The following PKP4 variants were observed in gnomAD, a reference collection of about 807,000 sequenced individuals.
The protein encoded by PKP4 is plakophilin 4, also known as plakophilin-4.
In PKP4, 90 loss-of-function variants were observed where a neutral mutation model predicts 145.1. The observed-to-expected ratio is 0.62, with a 90% CI of 0.52 to 0.74. The LOEUF is 0.74. PKP4 is among the 30% of genes least tolerant of loss of function. The pLI is 0.00. For missense variants in PKP4, 1,340 were observed against 1,482.7 expected, an observed-to-expected ratio of 0.90 and a Z score of 1.58; for synonymous variants, 563 against 577.2, an observed-to-expected ratio of 0.98 and a Z score of 0.35.
At chr2:158,557,266 A>G (rs997235588) in intron 2 of PKP4, among the ~76,000 whole-genome samples, 3 of 151,664 alleles carry the variant, frequency 2.0e-5, no homozygotes, top group Non-Finnish European at 1.5e-5. Context: ...AGCCAGTAAT[A>G]CTATTATCAT....
chr2:158,544,426 A>G (rs2044793431), intron 2 of PKP4, among the ~76,000 whole-genome samples: 1 of 152,208 alleles, frequency 6.6e-6, no homozygotes, highest in South Asian at 2.1e-4. Context: ...TTATGCACTA[A>G]GAAATAAGAA....
At chr2:158,558,998 G>T (rs1364078775) in intron 2 of PKP4, among the ~76,000 whole-genome samples, 1 of 152,138 alleles carries the variant, frequency 6.6e-6, no homozygotes, top group East Asian at 1.9e-4. Context: ...TCAGAGAAAA[G>T]TCTCACCTGG....
At chr2:158,546,614 C>G (rs906008281) in intron 2 of PKP4, among the ~76,000 whole-genome samples, 2 of 152,160 alleles carry the variant, frequency 1.3e-5, no homozygotes, top group African/African-American at 4.8e-5. Context: ...AAACTAATTT[C>G]ACTTTTGAGA....
At chr2:158,458,605 A>T (rs1459805370) in intron 1 of PKP4, among the ~76,000 whole-genome samples, 1 of 152,214 alleles carries the variant, frequency 6.6e-6, no homozygotes, top group Non-Finnish European at 1.5e-5. Context: ...CAGCCAACAT[A>T]TTTTAGCTCT....
intron 3 of PKP4, among the ~76,000 whole-genome samples, chr2:158,580,396 G>A (rs1257098822): frequency 1.3e-5 from 2 of 152,036 alleles, no homozygotes; most frequent in Non-Finnish European, 2.9e-5. Context: ...GGTTGACCAG[G>A]GAAAGGAGGA....
chr2:158,545,339 A>G (rs2044915207), intron 2 of PKP4, among the ~76,000 whole-genome samples: 1 of 152,136 alleles, frequency 6.6e-6, no homozygotes, highest in Non-Finnish European at 1.5e-5. Context: ...TTGTTTGGAA[A>G]TAAGGACGAG....
At chr2:158,516,003 C>T (rs2041908013) in intron 1 of PKP4, among the ~76,000 whole-genome samples, 1 of 150,406 alleles carries the variant, frequency 6.6e-6, no homozygotes, top group Admixed American at 6.6e-5. Context: ...TATGATTGTG[C>T]CACTGTACTC....
intron 13 of PKP4, chr2:158,662,665 G>A (rs1240268825): frequency 1.4e-5 from 5 of 364,038 alleles, no homozygotes; most frequent in South Asian, 8.4e-5. Context: ...CATTTCGGTC[G>A]GCATGAAGTC....
At chr2:158,474,609 T>A (rs2105414052) in intron 1 of PKP4, among the ~76,000 whole-genome samples, 1 of 152,348 alleles carries the variant, frequency 6.6e-6, no homozygotes, top group Admixed American at 6.5e-5. Flanking sequence ...TTACTGCCTG[T>A]TTCCCATTTG....
Position 158,658,034 on chromosome 2 carries a change from A to G in PKP4, c.1910-97A>G. ...ATATAGGCCATAGATTAGGTTTGGA[A>G]CAGACTGACTTCATATTAATTAGAG... On this transcript the variant is annotated intron_variant, in intron 11 of 21. Coordinates refer to ENST00000389759, the MANE Select transcript of PKP4 (RefSeq NM_003628.6). 7 of 752,820 alleles carry G rather than the reference A, an allele frequency of 9.3e-6. No homozygotes were observed. In the South Asian group the frequency reaches 1.0e-4, roughly 11 times the overall value. 46.6% of individuals were successfully genotyped at this position (752,820 alleles called of 1,614,324 possible).
At chr2:158,559,361 A>C (rs1295724850) in intron 2 of PKP4, among the ~76,000 whole-genome samples, 1 of 151,314 alleles carries the variant, frequency 6.6e-6, no homozygotes, top group Non-Finnish European at 1.5e-5. Flanking sequence ...TTCCAAAGGG[A>C]CCCAGTCTTC....
chr2:158,469,052 T>C (rs562170374), intron 1 of PKP4, among the ~76,000 whole-genome samples: 1 of 151,962 alleles, frequency 6.6e-6, no homozygotes, highest in Non-Finnish European at 1.5e-5. Context: ...GTGCTGGGAT[T>C]ACAGGCATGA....
At chr2:158,495,280 G>A (rs1695518753) in intron 1 of PKP4, among the ~76,000 whole-genome samples, 2 of 150,354 alleles carry the variant, frequency 1.3e-5, no homozygotes, top group South Asian at 4.2e-4. Flanking sequence ...ACACTGGAAA[G>A]AATGATAAAA....
intron 1 of PKP4, among the ~76,000 whole-genome samples, chr2:158,528,381 G>T (rs1456065034): frequency 9.1e-6 from 1 of 110,478 alleles, no homozygotes; most frequent in African/African-American, 3.2e-5. Context: ...GTAAACTATC[G>T]CAAGAACAAA....
At chr2:158,538,973 T>C (rs763059181) in intron 2 of PKP4, among the ~76,000 whole-genome samples, 1 of 152,242 alleles carries the variant, frequency 6.6e-6, no homozygotes, top group African/African-American at 2.4e-5. Flanking sequence ...TAATTTTATA[T>C]GCACTCTTTT....
intron 3 of PKP4, among the ~76,000 whole-genome samples, chr2:158,580,456 T>TA (rs1431188422): frequency 2.0e-5 from 3 of 152,136 alleles, no homozygotes; most frequent in Non-Finnish European, 2.9e-5. Context: ...TCCCGAGCAG[T>TA]AAGAGGCTCA....
intron 1 of PKP4, among the ~76,000 whole-genome samples, chr2:158,484,779 T>G (rs1419915492): frequency 6.6e-6 from 1 of 152,190 alleles, no homozygotes; most frequent in Non-Finnish European, 1.5e-5. Flanking sequence ...GGTAACACAG[T>G]GTGGTAAATA....
At chr2:158,596,162 T>C (rs562422725) in intron 3 of PKP4, among the ~76,000 whole-genome samples, 1 of 151,492 alleles carries the variant, frequency 6.6e-6, no homozygotes, top group East Asian at 1.9e-4. Context: ...AGTGGAAAAA[T>C]AAAGCCCACC....
At chr2:158,622,643 A>G (rs2105895235) in intron 6 of PKP4, among the ~76,000 whole-genome samples, 1 of 152,322 alleles carries the variant, frequency 6.6e-6, no homozygotes, top group South Asian at 2.1e-4. Context: ...TCAGCAATTC[A>G]GGAGAAATTT....
Sources: allele counts gnomAD v4.1 joint callset (sites outside exome capture counted in the v4.1 genomes callset), GRCh38; gene constraint gnomAD v4.1.1; transcripts MANE v1.5; gene names NCBI Gene and HGNC (gene_info 2026-07-23, HGNC 2026-07-21).